The following SCHIP1 variants were observed in gnomAD, a reference collection of about 807,000 sequenced individuals.
The protein encoded by SCHIP1 is schwannomin-interacting protein 1.
Under a neutral mutation model 29.7 loss-of-function variants are expected in SCHIP1, and 8 were observed. The ratio of observed to expected loss-of-function variants is 0.27; its 90% CI spans 0.16 to 0.49. The LOEUF (loss-of-function observed/expected upper bound fraction) is 0.49. SCHIP1 is among the 20% of genes least tolerant of loss of function. SCHIP1 has a pLI of 0.99. For missense variants in SCHIP1, 193 were observed against 294.6 expected, an observed-to-expected ratio of 0.66 and a Z score of 2.52; for synonymous variants, 76 against 94.9, an observed-to-expected ratio of 0.80 and a Z score of 1.16.
the SCHIP1 span, among the ~76,000 whole-genome samples, chr3:159,655,627 C>G: frequency 6.6e-6 from 1 of 152,290 alleles, no homozygotes; most frequent in African/African-American, 2.4e-5. Flanking sequence ...TGGTGGCTCA[C>G]ACCTGTAATC....
At chr3:159,623,620 C>T in the SCHIP1 span, among the ~76,000 whole-genome samples, 1 of 152,174 alleles carries the variant, frequency 6.6e-6, no homozygotes, top group African/African-American at 2.4e-5. Context: ...AGTGAGACTC[C>T]ATCTCTAAAT....
the SCHIP1 span, among the ~76,000 whole-genome samples, chr3:159,307,946 A>G: frequency 2.9e-4 from 44 of 152,030 alleles, no homozygotes; most frequent in Admixed American, 1.3e-3. Context: ...CTGTTTTTGT[A>G]CCAGTACCAA....
the SCHIP1 span, among the ~76,000 whole-genome samples, chr3:159,385,900 G>A: frequency 1.1e-4 from 16 of 151,594 alleles, no homozygotes; most frequent in East Asian, 1.9e-4. Context: ...CTGTGTCCAC[G>A]TGTCCTCATT....
At chr3:159,700,789 G>A in the SCHIP1 span, among the ~76,000 whole-genome samples, 1 of 151,634 alleles carries the variant, frequency 6.6e-6, no homozygotes, top group African/African-American at 2.4e-5. Flanking sequence ...CTCCAGCCTG[G>A]GGTGACAGAG....
chr3:159,315,079 C>A, the SCHIP1 span, among the ~76,000 whole-genome samples: 1 of 151,946 alleles, frequency 6.6e-6, no homozygotes, highest in Non-Finnish European at 1.5e-5. Flanking sequence ...GTAGCTATTG[C>A]GAAAAGCTTT....
At chr3:159,594,395 G>A in the SCHIP1 span, among the ~76,000 whole-genome samples, 1 of 152,314 alleles carries the variant, frequency 6.6e-6, no homozygotes. Context: ...ATGTTTGCCT[G>A]TTAAGATAAA....
the SCHIP1 span, among the ~76,000 whole-genome samples, chr3:159,313,871 T>C: frequency 1.3e-5 from 2 of 152,184 alleles, no homozygotes; most frequent in African/African-American, 2.4e-5. Flanking sequence ...TCAGGTATTT[T>C]GTAGAATGTC....
the SCHIP1 span, among the ~76,000 whole-genome samples, chr3:159,603,610 ATAT>A: frequency 1.3e-5 from 2 of 152,120 alleles, no homozygotes; most frequent in Non-Finnish European, 2.9e-5. Context: ...AAGACTAAAT[ATAT>A]ATTTTGCAGT....
the SCHIP1 span, among the ~76,000 whole-genome samples, chr3:159,594,847 G>T: frequency 1.3e-5 from 2 of 152,278 alleles, no homozygotes; most frequent in South Asian, 4.1e-4. Flanking sequence ...CAGGAAGCCT[G>T]GTTGTTCACT....
At chr3:159,666,987 G>A in the SCHIP1 span, among the ~76,000 whole-genome samples, 31 of 152,288 alleles carry the variant, frequency 2.0e-4, no homozygotes, top group African/African-American at 6.7e-4. Context: ...TGTAAATGGA[G>A]GTAAAATGTT....
chr3:159,489,740 G>A, the SCHIP1 span, among the ~76,000 whole-genome samples: 1 of 152,044 alleles, frequency 6.6e-6, no homozygotes, highest in Non-Finnish European at 1.5e-5. Flanking sequence ...ATTAAATATG[G>A]TTAAATTATA....
the SCHIP1 span, among the ~76,000 whole-genome samples, chr3:159,590,033 A>T: frequency 6.6e-6 from 1 of 152,196 alleles, no homozygotes; most frequent in Non-Finnish European, 1.5e-5. Flanking sequence ...CTGAAATTCA[A>T]GTTTAGTTAG....
chr3:159,657,120 A>G, the SCHIP1 span, among the ~76,000 whole-genome samples: 3 of 152,340 alleles, frequency 2.0e-5, no homozygotes, highest in African/African-American at 7.2e-5. Flanking sequence ...GTCTACATGT[A>G]CTAAAATAGC....
At chr3:159,273,860 G>C in the SCHIP1 span, 2 of 1,613,402 alleles carry the variant, frequency 1.2e-6, no homozygotes, top group Admixed American at 1.7e-5. Flanking sequence ...GTGGGACTGT[G>C]ACCAGGGCAA....
the SCHIP1 span, among the ~76,000 whole-genome samples, chr3:159,411,039 T>G: frequency 6.6e-6 from 1 of 152,042 alleles, no homozygotes; most frequent in Non-Finnish European, 1.5e-5. Context: ...ATACAAACTT[T>G]GCGTGTTCTC....
At chr3:159,335,041 A>G in the SCHIP1 span, among the ~76,000 whole-genome samples, 1 of 152,022 alleles carries the variant, frequency 6.6e-6, no homozygotes, top group African/African-American at 2.4e-5. Flanking sequence ...CTGGGATTAC[A>G]GGTGTGTGCC....
the SCHIP1 span, among the ~76,000 whole-genome samples, chr3:159,828,298 A>G: frequency 1.3e-5 from 2 of 149,144 alleles, no homozygotes; most frequent in Non-Finnish European, 3.0e-5. Context: ...AATTTTATCA[A>G]CTCTAGAACC....
At chr3:159,640,418 T>C in the SCHIP1 span, among the ~76,000 whole-genome samples, 8 of 152,180 alleles carry the variant, frequency 5.3e-5, no homozygotes, top group Non-Finnish European at 1.0e-4. Context: ...CTTCATTTGG[T>C]GACTTGCGTA....
chr3:159,847,215 G>A (rs1420031139), intron 1 of SCHIP1, among the ~76,000 whole-genome samples: 1 of 152,180 alleles, frequency 6.6e-6, no homozygotes, highest in East Asian at 1.9e-4. Flanking sequence ...ATTGATGCTT[G>A]CTTGAAAGTA....
Sources: gnomAD v4.1 joint callset for allele counts (sites outside exome capture counted in the v4.1 genomes callset) on GRCh38, gnomAD v4.1.1 for gene constraint, MANE v1.5 for transcripts, NCBI Gene and HGNC (gene_info 2026-07-23, HGNC 2026-07-21) for gene names.